Variants in DIP2C observed in about 807,000 individuals in gnomAD.
DIP2C encodes the protein disco-interacting protein 2 homolog C.
DIP2C carries 33 observed loss-of-function variants against 192.4 expected under a neutral mutation model. The observed-to-expected ratio is 0.17, with a 90% CI of 0.13 to 0.23. The LOEUF (loss-of-function observed/expected upper bound fraction) is 0.23. Ranked by LOEUF, DIP2C falls within the 10% of genes least tolerant of loss-of-function variation. The probability of loss-of-function intolerance (pLI) is 1.00; values close to 1 mark genes in which losing one functional copy is unlikely to be tolerated. For synonymous variants in DIP2C, 979 were observed against 864.1 expected (o/e 1.13, Z -2.33); for missense variants, 1,537 against 2,110.1 (o/e 0.73, Z 5.32).
intron 1 of DIP2C, among the ~76,000 whole-genome samples, chr10:684,909 G>C (rs1027718504): frequency 2.0e-5 from 3 of 151,854 alleles, no homozygotes; most frequent in Admixed American, 2.0e-4. Context: ...GAGGCAGGGG[G>C]ATCACCTGAG....
rs778134183 is a variant in DIP2C, at chr10:384,052, C to A, written c.1851G>T (p.Leu617=). The A allele has an allele frequency of 1.9e-6, 3 of 1,608,386 alleles. No homozygotes were observed. The highest frequency in any genetic ancestry group is 2.5e-6 in the Non-Finnish European group (3 of 1,178,352). Residue 617 remains leucine, a synonymous_variant, in exon 16 of 37, where the codon CTG becomes CTT. Transcript: ENST00000280886. ...AGGGGTTCGCGCCGTCCGCCACTAT[C>A]AGCATTCGCAGAGAGGAGAGGTTGA... ...RDINLSSLRM[L]IVADGANPWS...
intron 6 of DIP2C, among the ~76,000 whole-genome samples, chr10:418,142 TGC>T (rs1481786167): frequency 5.2e-5 from 2 of 38,758 alleles, no homozygotes; most frequent in Non-Finnish European, 8.6e-5. Context: ...CCTGTCCACC[TGC>T]ACCTGTCAGA....
At chr10:307,029 G>A (rs913081059) in intron 32 of DIP2C, among the ~76,000 whole-genome samples, 9 of 152,122 alleles carry the variant, frequency 5.9e-5, no homozygotes, top group African/African-American at 1.4e-4. Flanking sequence ...CGGGAGAGCC[G>A]GTGGCTAAAA....
At chr10:662,649 A>G (rs1171804076) in intron 1 of DIP2C, 7 of 562,478 alleles carry the variant, frequency 1.2e-5, no homozygotes, top group South Asian at 1.0e-4. Context: ...ATATGGGGGA[A>G]TTTTTTTTTC....
intron 32 of DIP2C, among the ~76,000 whole-genome samples, chr10:300,553 G>C (rs530160842): frequency 6.6e-6 from 1 of 152,158 alleles, no homozygotes; most frequent in Non-Finnish European, 1.5e-5. Flanking sequence ...ACCAGAACCA[G>C]GAGCAGCCCT....
intron 4 of DIP2C, among the ~76,000 whole-genome samples, chr10:429,227 T>TC (rs201237897): frequency 1.9e-4 from 3 of 15,698 alleles, no homozygotes; most frequent in Non-Finnish European, 2.1e-4. Flanking sequence ...CCTGGCTGCC[T>TC]CCCCCCCGGA....
In DIP2C at chr10:418,164, G is replaced by A. The variant is rs1356074530; in HGVS notation, c.739+901C>T. Among the ~76,000 whole-genome samples the A allele has an allele frequency of 5.1e-5, 3 of 59,016 alleles. 1 individual carries two copies. The highest frequency in any genetic ancestry group is 3.2e-4 in the African/African-American group (3 of 9,448). The allele number at this position is 59,016 out of a possible 152,430, so 38.7% of individuals were successfully genotyped here. On this transcript the variant is annotated intron_variant, in intron 6 of 36. Transcript: ENST00000280886. ...ACCTGCACCTGTCAGAGCTCGGACAGGCCTCCCTGTCCACCTGCACCTGTC... is the reference window on the plus strand; with the variant it reads ...ACCTGCACCTGTCAGAGCTCGGACAAGCCTCCCTGTCCACCTGCACCTGTC...
At chr10:310,161 G>C (rs1345489509) in intron 31 of DIP2C, 69 bp from the exon 32 acceptor site, 8 of 1,360,796 alleles carry the variant, frequency 5.9e-6, no homozygotes, top group South Asian at 3.7e-5. Context: ...GCTTCTACTA[G>C]TTAGGAAACA....
At chr10:340,147 C>T (rs1265544339) in intron 29 of DIP2C, among the ~76,000 whole-genome samples, 1 of 150,852 alleles carries the variant, frequency 6.6e-6, no homozygotes, top group Non-Finnish European at 1.5e-5. Context: ...TGGCACTGCA[C>T]TTCAGCCTGG....
intron 32 of DIP2C, among the ~76,000 whole-genome samples, 182 bp from the exon 33 acceptor site, chr10:288,603 G>C (rs1009384816): frequency 1.3e-5 from 2 of 152,224 alleles, no homozygotes; most frequent in South Asian, 2.1e-4. Context: ...AACCCGAAGC[G>C]AGGGCCACAG....
At chr10:543,710 AAT>A (rs199926573) in intron 1 of DIP2C, among the ~76,000 whole-genome samples, 1,549 of 152,300 alleles carry the variant, frequency 0.01, 30 homozygotes, top group African/African-American at 0.036. Context: ...TCGCATTCTA[AAT>A]ATCAACACCA....
intron 22 of DIP2C, among the ~76,000 whole-genome samples, chr10:358,874 T>TAAAAGAATGTTTACC (rs1435567110): frequency 1.4e-5 from 2 of 143,352 alleles, no homozygotes; most frequent in Non-Finnish European, 3.0e-5. Flanking sequence ...GCAGGGAGAG[T>TAAAAGAATGTTTACC]AAAAGAATGT....
At chr10:311,435 A>G in intron 31 of DIP2C, 1 of 1,066,010 alleles carries the variant, frequency 9.4e-7, no homozygotes, top group Non-Finnish European at 1.2e-6. Flanking sequence ...ACCCCCGGCC[A>G]ATCTCTGCAC....
At chr10:399,974 G>A (rs1964286019) in intron 9 of DIP2C, among the ~76,000 whole-genome samples, 1 of 152,204 alleles carries the variant, frequency 6.6e-6, no homozygotes, top group Non-Finnish European at 1.5e-5. Flanking sequence ...GTTCCTAAGA[G>A]TAGAATTATC....
At chr10:362,194 G>A (rs3923016) in intron 22 of DIP2C, among the ~76,000 whole-genome samples, 3,932 of 152,258 alleles carry the variant, frequency 0.026, 164 homozygotes, top group African/African-American at 0.089. Flanking sequence ...TGAGAGCACC[G>A]TGGCCGTGTC....
intron 3 of DIP2C, among the ~76,000 whole-genome samples, chr10:458,357 A>G (rs1969474636): frequency 6.6e-6 from 1 of 152,266 alleles, no homozygotes. Flanking sequence ...CTCAGGAAAG[A>G]TAAACCTTCT....
At chr10:672,965 C>T (rs1266315159) in intron 1 of DIP2C, among the ~76,000 whole-genome samples, 2 of 152,210 alleles carry the variant, frequency 1.3e-5, no homozygotes, top group African/African-American at 2.4e-5. Context: ...TGTATCAACC[C>T]CCTGGATCAC....
chr10:632,038 A>G (rs1854549051), intron 1 of DIP2C, among the ~76,000 whole-genome samples: 1 of 152,248 alleles, frequency 6.6e-6, no homozygotes, highest in Admixed American at 6.5e-5. Context: ...GCCAGGGAAC[A>G]GAGTTGAGAT....
intron 1 of DIP2C, among the ~76,000 whole-genome samples, chr10:581,317 C>T (rs567744978): frequency 6.6e-6 from 1 of 152,278 alleles, no homozygotes; most frequent in East Asian, 1.9e-4. Context: ...TGAGAGATGG[C>T]AAGTATGATG....
Sources: gnomAD v4.1 joint callset for allele counts (sites outside exome capture counted in the v4.1 genomes callset) on GRCh38, gnomAD v4.1.1 for gene constraint, MANE v1.5 for transcripts, NCBI Gene and HGNC (gene_info 2026-07-23, HGNC 2026-07-21) for gene names.